The following SLC27A4 variants were observed in gnomAD, a reference collection of about 807,000 sequenced individuals.
SLC27A4 encodes the protein long-chain fatty acid transport protein 4.
In SLC27A4, 33 loss-of-function variants were observed where a neutral mutation model predicts 64.4. The observed-to-expected ratio is 0.51, with a 90% CI of 0.39 to 0.68. The LOEUF (loss-of-function observed/expected upper bound fraction) is 0.68. Among genes scored for constraint, SLC27A4 ranks in the 30% least tolerant of loss-of-function variants. SLC27A4 has a pLI of 0.00. For synonymous variants in SLC27A4, 377 were observed against 370.0 expected (o/e 1.02, Z -0.22); for missense variants, 824 against 883.5 (o/e 0.93, Z 0.85).
rs558959430 is a variant in SLC27A4 at position 128,350,770 on chromosome 9, A to G, written c.877+195A>G. 4.3e-3 allele frequency among the ~76,000 whole-genome samples: 661 copies of G among 152,246 alleles called. 9 individuals are homozygous for G. Among genetic ancestry groups the G allele is most frequent in the African/African-American group, 0.015 (632 of 41,518 alleles). On this transcript the variant is annotated intron_variant, in intron 6 of 12. Coordinates refer to ENST00000300456, the MANE Select transcript of SLC27A4 (RefSeq NM_005094.4). ...CAGGAGTTCGAGACCAGCCTGGCCA[A>G]CATGGCAAAACCCCATCTCTACTAA...
chr9:128,360,143 C>T (rs961516430), intron 12 of SLC27A4, among the ~76,000 whole-genome samples, 191 bp from the exon 13 acceptor site: 3 of 152,140 alleles, frequency 2.0e-5, no homozygotes, highest in African/African-American at 7.2e-5. Context: ...AGCAGCTGTC[C>T]CCATGCCCCA....
intron 3 of SLC27A4, among the ~76,000 whole-genome samples, chr9:128,348,216 C>T (rs914513640): frequency 2.0e-5 from 3 of 152,114 alleles, no homozygotes; most frequent in Non-Finnish European, 4.4e-5. Context: ...TGGCATTGCA[C>T]GCCAGGTCCA....
chr9:128,350,333 C>T lies in SLC27A4; in HGVS notation c.737C>T (p.Thr246Ile). The T allele has an allele frequency of 1.2e-6, 2 of 1,613,222 alleles. No homozygotes were observed. The highest frequency in any genetic ancestry group is 1.7e-6 in the Non-Finnish European group (2 of 1,180,026). ...GFTDKLFYIY[T>I]SGTTGLPKAA... ...TTAGATAAACTGTTCTACATCTACA[C>T]ATCCGGCACCACAGGGCTGCCCAAG... Residue 246 changes from threonine to isoleucine, a missense_variant, in exon 5 of 13, where the codon ACA becomes ATA. By Grantham distance (89) the Thr-to-Ile change is moderately conservative (BLOSUM62 -1). Coordinates refer to ENST00000300456, the MANE Select transcript of SLC27A4 (RefSeq NM_005094.4).
intron 1 of SLC27A4, 23 bp downstream of exon 1, chr9:128,340,861 G>C (rs1213994271): frequency 1.6e-6 from 1 of 636,752 alleles, no homozygotes; most frequent in African/African-American, 1.9e-5. Context: ...CGGGCTGGTG[G>C]GTTCCCGGGT....
intron 12 of SLC27A4, among the ~76,000 whole-genome samples, chr9:128,357,472 G>C (rs1163395001): frequency 6.6e-6 from 1 of 152,096 alleles, no homozygotes; most frequent in Admixed American, 6.5e-5. Context: ...TGGGAACCTG[G>C]TCAGACTCAT....
chr9:128,351,886 T>TA (rs1182447200), intron 6 of SLC27A4, among the ~76,000 whole-genome samples: 3 of 151,480 alleles, frequency 2.0e-5, no homozygotes, highest in Non-Finnish European at 2.9e-5. Context: ...GACCTGTCTC[T>TA]AAAAAAAATT....
intron 6 of SLC27A4, among the ~76,000 whole-genome samples, chr9:128,352,357 A>G (rs1419755767): frequency 6.6e-6 from 1 of 152,168 alleles, no homozygotes; most frequent in Non-Finnish European, 1.5e-5. Flanking sequence ...TTAAGGGAAG[A>G]CAGCTTGAAT....
intron 4 of SLC27A4, 117 bp from the exon 5 acceptor site, chr9:128,350,195 A>G (rs1832711971): frequency 1.3e-6 from 1 of 795,806 alleles, no homozygotes; most frequent in African/African-American, 1.7e-5. Context: ...CAGGCTTCCT[A>G]GCAAGGGTGT....
chr9:128,348,636 A>G lies in SLC27A4; in HGVS notation c.648A>G (p.Glu216=). 1 of 1,613,990 alleles carries G rather than the reference A, an allele frequency of 6.2e-7. No individual in the cohort carries two copies. The highest frequency in any genetic ancestry group is 8.5e-7 in the Non-Finnish European group (1 of 1,180,004). The change falls in exon 4 of 13, where the codon GAA becomes GAG. Residue 216 remains glutamate, a synonymous_variant. Coordinates refer to ENST00000300456, the MANE Select transcript of SLC27A4 (RefSeq NM_005094.4). ...WEPGAVPPST[E]HLDPLLKDAP... Reference sequence around the variant, plus strand: ...CCGGTGCGGTGCCTCCAAGCACAGAACACCTGGACCCTCTGCTGAAAGATG... The same window carrying G: ...CCGGTGCGGTGCCTCCAAGCACAGAGCACCTGGACCCTCTGCTGAAAGATG...
At chr9:128,348,171 T>TG (rs1287083952) in intron 3 of SLC27A4, among the ~76,000 whole-genome samples, 4 of 151,818 alleles carry the variant, frequency 2.6e-5, no homozygotes, top group Admixed American at 2.0e-4. Context: ...TGCGGGATAG[T>TG]GGGGGGGAGC....
intron 6 of SLC27A4, among the ~76,000 whole-genome samples, chr9:128,350,947 G>C (rs1043945597): frequency 4.6e-5 from 7 of 152,222 alleles, no homozygotes; most frequent in African/African-American, 1.7e-4. Context: ...CAAAAAATTA[G>C]CCAGGTGTGG....
rs780753073 is a variant in SLC27A4, at chr9:128,345,209, G to A, written c.216G>A (p.Glu72=). 1 of 1,613,668 alleles carries A rather than the reference G, an allele frequency of 6.2e-7. No homozygotes were observed. The highest frequency in any genetic ancestry group is 1.1e-5 in the South Asian group (1 of 91,082). The change falls in exon 3 of 13, where the codon GAG becomes GAA. Residue 72 remains glutamate, a synonymous_variant. Transcript: ENST00000300456. The surrounding 1 kb of genome is among the most constrained non-coding windows in gnomAD (Gnocchi z 4.1). The stretch of plus-strand genomic sequence containing the variant: ...CAAAGGTGCGACAGTGCCTGCAGGA[G>A]CGGCGGACAGTGCCCATTTTGTTTG... ...VKAKVRQCLQ[E]RRTVPILFAS... is the part of the protein sequence containing the mutation.
At position 128,353,957 on chromosome 9, in the gene SLC27A4, A is replaced by G. The variant is rs558067314; in HGVS notation, c.1324+416A>G. On this transcript the variant is annotated intron_variant, in intron 9 of 12. Coordinates refer to ENST00000300456, the MANE Select transcript of SLC27A4 (RefSeq NM_005094.4). The surrounding 1 kb of genome is among the most constrained non-coding windows in gnomAD (Gnocchi z 4.9). ...ACGGGGTTTCACCGTTTTAGCCGGG[A>G]TGGTCTCGATCTCCTGACCTCGTGA... Among the ~76,000 whole-genome samples, 22 of 150,544 alleles carry G rather than the reference A, an allele frequency of 1.5e-4. No individual in the cohort carries two copies. The highest frequency in any genetic ancestry group is 1.2e-3 in the Admixed American group (18 of 15,160).
At chr9:128,360,228 CT>C in intron 12 of SLC27A4, 105 bp from the exon 13 acceptor site, 1 of 1,267,936 alleles carries the variant, frequency 7.9e-7, no homozygotes, top group South Asian at 1.2e-5. Context: ...CTTCCCTCCC[CT>C]GTTTGTCCTC....
In SLC27A4 at chr9:128,360,446, C is replaced by A; in HGVS notation, c.1887C>A (p.Asp629Glu). 2 of 1,614,098 alleles carry A rather than the reference C, an allele frequency of 1.2e-6. No homozygotes were observed. The highest frequency in any genetic ancestry group is 1.7e-6 in the Non-Finnish European group (2 of 1,180,036). ...AGAAGGGCCGCTACGTCCCGCTGGA[C>A]CAAGAGGCCTACAGCCGCATCCAGG... ...DAQKGRYVPL[D>E]QEAYSRIQAG... The change falls in exon 13 of 13, where the codon GAC becomes GAA. Residue 629 changes from aspartate (D) to glutamate (E), a missense_variant. Coordinates refer to ENST00000300456, the MANE Select transcript of SLC27A4 (RefSeq NM_005094.4).
intron 12 of SLC27A4, among the ~76,000 whole-genome samples, chr9:128,359,288 A>G (rs1412244170): frequency 6.6e-6 from 1 of 152,112 alleles, no homozygotes; most frequent in Non-Finnish European, 1.5e-5. Context: ...CAGGAGTTCA[A>G]GATCTGGGTG....
chr9:128,355,018 C>T (rs75751441), intron 9 of SLC27A4, 35 bp from the exon 10 acceptor site: 2 of 1,601,226 alleles, frequency 1.2e-6, no homozygotes, highest in African/African-American at 1.3e-5. Flanking sequence ...GAGAGGCTGC[C>T]TAGGGCAGAT....
At chr9:128,360,018 G>C (rs538165851) in intron 12 of SLC27A4, among the ~76,000 whole-genome samples, 3 of 152,270 alleles carry the variant, frequency 2.0e-5, no homozygotes, top group African/African-American at 7.2e-5. Context: ...ATCACAGTCA[G>C]AAGACCTCCG....
In SLC27A4 at chr9:128,343,449, G is replaced by A. The variant is rs536344779; in HGVS notation, c.161+156G>A. 2.0e-5 allele frequency among the ~76,000 whole-genome samples: 3 copies of A among 152,222 alleles called. No homozygotes were observed. In the South Asian group the frequency reaches 6.2e-4, roughly 32 times the overall value. On this transcript the variant is annotated intron_variant, in intron 2 of 12. Coordinates refer to ENST00000300456, the MANE Select transcript of SLC27A4 (RefSeq NM_005094.4). Reference sequence around the variant, plus strand: ...GCCTCTGCTCCACACCCGTACCCTGGCAATAGTACCTGGTCCCTCCATCTC... The same window carrying A: ...GCCTCTGCTCCACACCCGTACCCTGACAATAGTACCTGGTCCCTCCATCTC...
Sources: gnomAD v4.1 joint callset for allele counts (sites outside exome capture counted in the v4.1 genomes callset) on GRCh38, gnomAD v4.1.1 for gene constraint, Gnocchi (gnomAD v3.1) non-coding constraint, MANE v1.5 for transcripts, NCBI Gene and HGNC (gene_info 2026-07-23, HGNC 2026-07-21) for gene names.